The following DAB1 variants were observed in gnomAD, a reference collection of about 807,000 sequenced individuals.
DAB1 encodes disabled homolog 1.
A neutral mutation model predicts 64.6 loss-of-function variants in DAB1; 15 were observed. The observed-to-expected ratio is 0.23, with a 90% CI of 0.16 to 0.36. DAB1 has a LOEUF of 0.36. DAB1 is among the 10% of genes least tolerant of loss of function. The pLI, the probability that DAB1 is intolerant of heterozygous loss-of-function variation, is 1.00. For synonymous variants in DAB1, 235 were observed against 251.9 expected (o/e 0.93, Z 0.64); for missense variants, 596 against 706.7 (o/e 0.84, Z 1.78).
Position 57,542,462 on chromosome 1 carries a change from G to T in DAB1, n.625+107130C>A, listed in dbSNP as rs571062761. 2.7e-5 allele frequency among the ~76,000 whole-genome samples: 4 copies of T among 149,420 alleles called. No individual in the cohort carries two copies. The East Asian group carries it at 7.9e-4, about 30-fold the overall frequency. ...AAGCGAGCATGGTTGAAAGCATAAG[G>T]TCTATACTAGATGGACCAAGACAGT... is the stretch of plus-strand genomic sequence containing the variant. On this transcript the variant is annotated intron_variant and non_coding_transcript_variant, in intron 7 of 20. Transcript: ENST00000485760.
intron 1 of DAB1, among the ~76,000 whole-genome samples, chr1:57,871,696 C>T (rs1643952751): frequency 6.6e-6 from 1 of 152,164 alleles, no homozygotes; most frequent in Non-Finnish European, 1.5e-5. Context: ...AAGACAGCTT[C>T]TTCAAAAAGT....
intron 3 of DAB1, among the ~76,000 whole-genome samples, chr1:58,366,790 C>T (rs530334194): frequency 6.6e-6 from 1 of 152,304 alleles, no homozygotes; most frequent in African/African-American, 2.4e-5. Context: ...GACGTGGAGT[C>T]ACTGTATTAG....
intron 2 of DAB1, among the ~76,000 whole-genome samples, chr1:57,162,479 T>C (rs959488130): frequency 9.9e-5 from 15 of 152,182 alleles, no homozygotes; most frequent in African/African-American, 3.6e-4. Flanking sequence ...CACTAGGCAT[T>C]TGAAGGCTTG....
intron 3 of DAB1, among the ~76,000 whole-genome samples, chr1:58,362,056 C>A (rs548882943): frequency 2.6e-5 from 4 of 151,514 alleles, no homozygotes; most frequent in African/African-American, 9.7e-5. Flanking sequence ...GTAGAGATGG[C>A]GTTTCACCAT....
At chr1:57,097,486 T>C (rs573316090) in intron 4 of DAB1, among the ~76,000 whole-genome samples, 2 of 152,250 alleles carry the variant, frequency 1.3e-5, no homozygotes, top group African/African-American at 4.8e-5. Flanking sequence ...GTATGTCACT[T>C]AGGTTATAAT....
chr1:58,352,562 C>T (rs1450903623), intron 3 of DAB1, among the ~76,000 whole-genome samples: 2 of 152,108 alleles, frequency 1.3e-5, no homozygotes, highest in Admixed American at 6.5e-5. Context: ...ATTTTCCAAA[C>T]TCCACTCTTT....
intron 4 of DAB1, among the ~76,000 whole-genome samples, chr1:57,104,896 G>A (rs562517197): frequency 1.3e-4 from 20 of 152,254 alleles, no homozygotes; most frequent in Admixed American, 1.3e-3. Flanking sequence ...TCAGAGAGAA[G>A]GTGGGGCCCC....
chr1:58,022,831 A>C (rs549923235), intron 5 of DAB1, among the ~76,000 whole-genome samples: 1 of 152,104 alleles, frequency 6.6e-6, no homozygotes, highest in African/African-American at 2.4e-5. Context: ...TATTACCTTC[A>C]TCATCATCAC....
At chr1:57,767,663 T>A (rs1332834310) in intron 6 of DAB1, among the ~76,000 whole-genome samples, 1 of 152,224 alleles carries the variant, frequency 6.6e-6, no homozygotes, top group East Asian at 1.9e-4. Flanking sequence ...GGCTACTCAA[T>A]AAATAATTAA....
At chr1:57,457,337 G>A (rs1213855308) in intron 7 of DAB1, among the ~76,000 whole-genome samples, 3 of 152,070 alleles carry the variant, frequency 2.0e-5, no homozygotes, top group African/African-American at 7.2e-5. Context: ...ACAGAAATTG[G>A]GTTCAAGAGC....
intron 1 of DAB1, among the ~76,000 whole-genome samples, chr1:57,322,067 G>A (rs1242254975): frequency 6.6e-6 from 1 of 152,126 alleles, no homozygotes; most frequent in East Asian, 1.9e-4. Context: ...TATGTCCTGT[G>A]GAGCAGCACA....
intron 4 of DAB1, among the ~76,000 whole-genome samples, chr1:57,123,016 A>G (rs1299765865): frequency 6.6e-6 from 1 of 152,146 alleles, no homozygotes; most frequent in Non-Finnish European, 1.5e-5. Flanking sequence ...CCAAGATACT[A>G]CAGCTTTATG....
chr1:58,141,410 C>G lies in DAB1; in HGVS notation n.387+9101G>C, dbSNP rs532981736. 2.2e-4 allele frequency among the ~76,000 whole-genome samples: 34 copies of G among 152,212 alleles called. No individual in the cohort carries two copies. The South Asian group carries it at 6.9e-3, about 31-fold the overall frequency. On this transcript the variant is annotated intron_variant and non_coding_transcript_variant, in intron 5 of 20. Coordinates refer to the DAB1 transcript ENST00000485760. The stretch of plus-strand genomic sequence containing the variant: ...AGAACAGCATGGGAAAAACCTGCCC[C>G]CATGATTCAATTACCTCCCAACAGG...
intron 5 of DAB1, among the ~76,000 whole-genome samples, chr1:58,008,438 G>A (rs1366865244): frequency 6.6e-6 from 1 of 152,090 alleles, no homozygotes; most frequent in Non-Finnish European, 1.5e-5. Flanking sequence ...CCCTAAAGAA[G>A]GAGGCAGGTG....
At chr1:57,806,476 C>G (rs1336111953) in intron 6 of DAB1, among the ~76,000 whole-genome samples, 2 of 152,154 alleles carry the variant, frequency 1.3e-5, no homozygotes, top group Non-Finnish European at 2.9e-5. Context: ...TGTCTTCAAA[C>G]CAAGGCAACG....
chr1:57,162,873 A>G (rs1418616344), intron 2 of DAB1, among the ~76,000 whole-genome samples: 1 of 152,248 alleles, frequency 6.6e-6, no homozygotes, highest in African/African-American at 2.4e-5. Context: ...AGGCTGCAAT[A>G]TAAATTACAT....
At chr1:58,099,757 T>C (rs1238414754) in intron 5 of DAB1, among the ~76,000 whole-genome samples, 1 of 152,236 alleles carries the variant, frequency 6.6e-6, no homozygotes, top group Admixed American at 6.5e-5. Flanking sequence ...ATCCCTCTTA[T>C]ATACAAGTAA....
At chr1:57,421,914 T>TGGGGGGGGGGGGGGGGGGGGGG (rs1684932712) in intron 1 of DAB1, among the ~76,000 whole-genome samples, 1 of 11,472 alleles carries the variant, frequency 8.7e-5, no homozygotes, top group Non-Finnish European at 1.7e-4. Context: ...GGGGGGGGGG[T>TGGGGGGGGGGGGGGGGGGGGGG]GGCGGGGGGG....
chr1:57,553,442 G>GAAAAAAAGAAAGAAAGAAAGAAAGAA (rs59263518), intron 7 of DAB1, among the ~76,000 whole-genome samples: 1 of 68,154 alleles, frequency 1.5e-5, no homozygotes. Flanking sequence ...AAGAAAGAAA[G>GAAAAAAAGAAAGAAAGAAAGAAAGAA]AGAAAGAAAG....
Sources: allele counts gnomAD v4.1 joint callset (sites outside exome capture counted in the v4.1 genomes callset), GRCh38; gene constraint gnomAD v4.1.1; transcripts MANE v1.5; gene names NCBI Gene and HGNC (gene_info 2026-07-23, HGNC 2026-07-21).